The following PSMC3 variants were observed in gnomAD, a reference collection of about 807,000 sequenced individuals.
PSMC3 encodes the protein 26S proteasome regulatory subunit 6A.
Under a neutral mutation model 52.0 loss-of-function variants are expected in PSMC3, and 11 were observed. That is an observed-to-expected ratio of 0.21 (90% CI 0.13 to 0.35). PSMC3 has a LOEUF of 0.35. Among genes scored for constraint, PSMC3 ranks in the 10% least tolerant of loss-of-function variants. The probability of loss-of-function intolerance (pLI) is 1.00; values close to 1 mark genes in which losing one functional copy is unlikely to be tolerated. For synonymous variants in PSMC3, 201 were observed against 218.8 expected (o/e 0.92, Z 0.72); for missense variants, 238 against 567.1 (o/e 0.42, Z 5.89).
intron 2 of PSMC3, chr11:47,425,661 T>A (rs1261667066): frequency 7.0e-6 from 4 of 567,754 alleles, no homozygotes. Context: ...TAACTTCTCA[T>A]CTCAGCCCAG....
Position 47,424,733 on chromosome 11 carries a change from G to A in PSMC3, c.286-22C>T. 1 of 1,576,510 alleles carries A rather than the reference G, an allele frequency of 6.3e-7. No homozygotes were observed. Among genetic ancestry groups the A allele is most frequent in the Non-Finnish European group, 8.7e-7 (1 of 1,145,828 alleles). ...GGAGCTGGGAAGGAAAAAATACTCA[G>A]CTCCTTGAACTCCCCAAGGCCCAGT... On this transcript the variant is annotated intron_variant, in intron 3 of 11. Transcript: ENST00000298852. The surrounding 1 kb of genome is among the most constrained non-coding windows in gnomAD (Gnocchi z 4.8).
chr11:47,419,667 G>A (rs2096037764), intron 10 of PSMC3, among the ~76,000 whole-genome samples: 1 of 152,104 alleles, frequency 6.6e-6, no homozygotes, highest in Non-Finnish European at 1.5e-5. Flanking sequence ...AGACCATTCT[G>A]GCTAACAAGG....
At chr11:47,419,008 G>A in intron 11 of PSMC3, 63 bp from the exon 12 acceptor site, 3 of 1,605,952 alleles carry the variant, frequency 1.9e-6, no homozygotes, top group Non-Finnish European at 2.6e-6. Context: ...GCTCCCTGAG[G>A]CTCAGGCCTC....
chr11:47,423,551 C>T (rs968960738), intron 6 of PSMC3, among the ~76,000 whole-genome samples: 1 of 152,150 alleles, frequency 6.6e-6, no homozygotes, highest in African/African-American at 2.4e-5. Flanking sequence ...CTTTGGGAGG[C>T]CAAGGCACGC....
rs2096046423 is a variant in PSMC3, at chr11:47,426,306, G to A, written c.-27C>T. 3 of 1,535,298 alleles carry A rather than the reference G, an allele frequency of 2.0e-6. No homozygotes were observed. The highest frequency in any genetic ancestry group is 2.0e-5 in the Admixed American group (1 of 49,682). On this transcript the variant is annotated 5_prime_UTR_variant, in exon 1 of 12. Transcript: ENST00000298852. ...TCCTGGAGGAGCGGGCAGAAGATGG[G>A]ACCAGGCGGGAGCCGCAACGGGAGA... is the stretch of plus-strand genomic sequence containing the variant.
rs767112494 is a variant in PSMC3 at position 47,418,787 on chromosome 11, T to C, written c.*48A>G. On this transcript the variant is annotated 3_prime_UTR_variant, in exon 12 of 12. Coordinates refer to ENST00000298852, the MANE Select transcript of PSMC3 (RefSeq NM_002804.5). Reference sequence around the variant, plus strand: ...AAGCAGCGGCAGGGACCCTAAACCATCTTTTATTGCGCACTTCAGCCGTGA... The same window carrying C: ...AAGCAGCGGCAGGGACCCTAAACCACCTTTTATTGCGCACTTCAGCCGTGA... 1 of 1,547,538 alleles carries C rather than the reference T, an allele frequency of 6.5e-7. No individual in the cohort carries two copies.
intron 3 of PSMC3, 105 bp downstream of exon 3, chr11:47,425,016 C>T: frequency 2.0e-6 from 3 of 1,506,474 alleles, no homozygotes; most frequent in Non-Finnish European, 1.8e-6. Flanking sequence ...CTCTGACATG[C>T]AGTTTGGCCT....
chr11:47,419,406 T>C (rs540600273), intron 10 of PSMC3, among the ~76,000 whole-genome samples: 2 of 152,326 alleles, frequency 1.3e-5, no homozygotes, highest in South Asian at 4.1e-4. Context: ...AGGTTATTTC[T>C]AGGGTCTCTT....
At chr11:47,419,738 A>G (rs1313442779) in intron 10 of PSMC3, among the ~76,000 whole-genome samples, 7 of 152,222 alleles carry the variant, frequency 4.6e-5, no homozygotes, top group South Asian at 4.2e-4. Flanking sequence ...GGGCGCCTGT[A>G]GTCCCAGCTA....
intron 3 of PSMC3, 67 bp downstream of exon 3, chr11:47,425,054 T>C: frequency 2.5e-6 from 4 of 1,603,128 alleles, no homozygotes; most frequent in Non-Finnish European, 3.4e-6. Context: ...CTTTCCCTAG[T>C]GGCCCCACCC....
rs1245962733 is a variant in PSMC3 at position 47,419,848 on chromosome 11, G to A, written c.1127+416C>T. ...TACTCCAGCCTGGGCGACAGAGCGAGACACTGTCTCCAAAAATTAAAAAAA... is the reference window on the plus strand; with the variant it reads ...TACTCCAGCCTGGGCGACAGAGCGAAACACTGTCTCCAAAAATTAAAAAAA... On this transcript the variant is annotated intron_variant, in intron 10 of 11. Transcript: ENST00000298852. Among the ~76,000 whole-genome samples, 6 of 150,450 alleles carry A rather than the reference G, an allele frequency of 4.0e-5. No homozygotes were observed. In the East Asian group the frequency reaches 1.2e-3, roughly 29 times the overall value.
chr11:47,425,759 C>T (rs1488315790), intron 2 of PSMC3, 108 bp downstream of exon 2: 8 of 901,230 alleles, frequency 8.9e-6, no homozygotes, highest in Admixed American at 2.4e-5. Context: ...GAAGCCCGAG[C>T]CCCATGTCTC....
chr11:47,419,626 A>G (rs1008811493), intron 10 of PSMC3, among the ~76,000 whole-genome samples: 40 of 152,268 alleles, frequency 2.6e-4, no homozygotes, highest in East Asian at 1.4e-3. Flanking sequence ...TTGGGAGGCC[A>G]AGGTGGGCGG....
chr11:47,422,381 G>A lies in PSMC3; in HGVS notation c.884+193C>T, dbSNP rs946010346. Among the ~76,000 whole-genome samples the A allele has an allele frequency of 7.2e-5, 11 of 152,186 alleles. No individual in the cohort carries two copies. The highest frequency in any genetic ancestry group is 2.9e-5 in the Non-Finnish European group (2 of 68,032). ...GAAAGGAACATGCTGGCAGCTGTGG[G>A]AATGAATGGCTGGGGAAACAGGGAG... On this transcript the variant is annotated intron_variant, in intron 8 of 11. Coordinates refer to ENST00000298852, the MANE Select transcript of PSMC3 (RefSeq NM_002804.5). This position sits in a 1 kb window ranked among gnomAD's most constrained non-coding sequence, Gnocchi z 4.3.
chr11:47,421,506 C>A (rs1005773329), intron 8 of PSMC3, among the ~76,000 whole-genome samples: 1 of 152,006 alleles, frequency 6.6e-6, no homozygotes, highest in South Asian at 2.1e-4. Context: ...GGGCCTGAAA[C>A]GCAGGAAGCA....
In PSMC3 at chr11:47,426,411, C is replaced by T. The variant is rs561164447; in HGVS notation, c.-132G>A. On this transcript the variant is annotated 5_prime_UTR_variant, in exon 1 of 12. Coordinates refer to ENST00000298852, the MANE Select transcript of PSMC3 (RefSeq NM_002804.5). ...AAATCCCGACTCTTGACCCGACCAG[C>T]TCCGGCCGTGCTGCGGAGCAGCGAA... is the stretch of plus-strand genomic sequence containing the variant. The T allele has an allele frequency of 2.6e-6, 2 of 755,562 alleles. No homozygotes were observed. The highest frequency in any genetic ancestry group is 4.0e-6 in the Non-Finnish European group (2 of 498,130). 46.8% of individuals were successfully genotyped at this position (755,562 alleles called of 1,614,324 possible).
In PSMC3 at chr11:47,422,392, TG is replaced by T. The variant is rs2096041651; in HGVS notation, c.884+181del. Among the ~76,000 whole-genome samples the T allele has an allele frequency of 6.6e-6, 1 of 152,048 alleles. No individual in the cohort carries two copies. The highest frequency in any genetic ancestry group is 1.5e-5 in the Non-Finnish European group (1 of 68,004). ...GCTGGCAGCTGTGGGAATGAATGGC[TG>T]GGGAAACAGGGAGGCTATTGATCAG... On this transcript the variant is annotated intron_variant, in intron 8 of 11. Transcript: ENST00000298852. This position sits in a 1 kb window ranked among gnomAD's most constrained non-coding sequence, Gnocchi z 4.3.
intron 10 of PSMC3, among the ~76,000 whole-genome samples, chr11:47,419,833 T>C (rs1555140450): frequency 6.6e-6 from 1 of 150,400 alleles, no homozygotes; most frequent in Non-Finnish European, 1.5e-5. Context: ...TACTCCAGCC[T>C]GGGCGACAGA....
intron 8 of PSMC3, among the ~76,000 whole-genome samples, chr11:47,421,811 C>A (rs1053721471): frequency 6.6e-6 from 1 of 152,034 alleles, no homozygotes. Flanking sequence ...CACCACCACA[C>A]CCGGCTAATT....
Sources: allele counts gnomAD v4.1 joint callset (sites outside exome capture counted in the v4.1 genomes callset), GRCh38; gene constraint gnomAD v4.1.1; non-coding constraint Gnocchi (gnomAD v3.1); transcripts MANE v1.5; gene names NCBI Gene and HGNC (gene_info 2026-07-23, HGNC 2026-07-21).